The following RERG variants were observed in gnomAD, a reference collection of about 807,000 sequenced individuals.
RERG encodes RAS like estrogen regulated growth inhibitor, also known as ras-related and estrogen-regulated growth inhibitor.
A neutral mutation model predicts 23.2 loss-of-function variants in RERG; 25 were observed. The ratio of observed to expected loss-of-function variants is 1.08; its 90% CI spans 0.79 to 1.50. RERG has a LOEUF of 1.50. Among genes scored for constraint, RERG ranks in the 40% most tolerant of loss-of-function variants. RERG has a pLI of 0.00. For synonymous variants in RERG, 81 were observed against 89.1 expected, an observed-to-expected ratio of 0.91 and a Z score of 0.51; for missense variants, 253 against 250.1, an observed-to-expected ratio of 1.01 and a Z score of -0.08.
In RERG at chr12:15,215,838, A is replaced by G. The variant is rs942201688; in HGVS notation, c.61+1591T>C. Among the ~76,000 whole-genome samples the G allele has an allele frequency of 2.0e-5, 3 of 152,170 alleles. No homozygotes were observed. In the South Asian group the frequency reaches 6.2e-4, roughly 32 times the overall value. On this transcript the variant is annotated intron_variant, in intron 2 of 4. Coordinates refer to ENST00000256953, the MANE Select transcript of RERG (RefSeq NM_032918.3). The stretch of plus-strand genomic sequence containing the variant: ...TGAGCCTTGACAGGAGGAGACACCC[A>G]GCTTGCTCCGAGATCATGAAGATGG...
intron 3 of RERG, among the ~76,000 whole-genome samples, chr12:15,118,278 C>T (rs563937151): frequency 5.1e-4 from 77 of 152,030 alleles, no homozygotes; most frequent in African/African-American, 1.9e-3. Flanking sequence ...GCATTTTCTT[C>T]ATTGAATTAT....
Position 15,109,105 on chromosome 12 carries a change from GCT to G in RERG, c.*3_*4del, listed in dbSNP as rs751031653. On this transcript the variant is annotated 3_prime_UTR_variant, in exon 5 of 5. Coordinates refer to ENST00000256953, the MANE Select transcript of RERG (RefSeq NM_032918.3). ...CAATTAGTTGGTCCACCTCAGCTGGGCTGCCTAACTACTGATTTTGGTGAGCA... is the reference window on the plus strand; with the variant it reads ...CAATTAGTTGGTCCACCTCAGCTGGGGCCTAACTACTGATTTTGGTGAGCA... 7 of 1,569,494 alleles carry G rather than the reference GCT, an allele frequency of 4.5e-6. No homozygotes were observed. In the South Asian group the frequency reaches 8.4e-5, roughly 19 times the overall value.
intron 2 of RERG, among the ~76,000 whole-genome samples, chr12:15,126,724 C>CTTTTTTTTTTTT (rs71042228): frequency 2.3e-5 from 3 of 132,464 alleles, no homozygotes; most frequent in Non-Finnish European, 3.1e-5. Flanking sequence ...CTTTTTCTTT[C>CTTTTTTTTTTTT]TTTTTTTTTT....
intron 2 of RERG, among the ~76,000 whole-genome samples, chr12:15,143,164 T>C (rs952463627): frequency 7.2e-5 from 11 of 152,190 alleles, no homozygotes; most frequent in African/African-American, 1.4e-4. Context: ...CCTGTACAGG[T>C]ACCAGGCTTT....
In RERG at chr12:15,110,463, C is replaced by CTTT. The variant is rs869218147; in HGVS notation, c.192+878_192+880dup. Among the ~76,000 whole-genome samples the CTTT allele has an allele frequency of 6.6e-4, 48 of 73,148 alleles. 6 individuals carry two copies. Among genetic ancestry groups the CTTT allele is most frequent in the South Asian group, 1.9e-3 (3 of 1,610 alleles). The allele number at this position is 73,148 out of a possible 152,430, so 48.0% of individuals were successfully genotyped here. ...CTGTCATTCCAGTGGCCATTTTTTT[C>CTTT]TTTTTTTTTTTTTTTTTTTTTTTTT... On this transcript the variant is annotated intron_variant, in intron 4 of 4. Transcript: ENST00000256953.
At chr12:15,159,807 G>C (rs1175348728) in intron 2 of RERG, among the ~76,000 whole-genome samples, 1 of 152,156 alleles carries the variant, frequency 6.6e-6, no homozygotes, top group Non-Finnish European at 1.5e-5. Context: ...CTGGGCGACA[G>C]AGCAGGACTC....
intron 1 of RERG, 84 bp from the exon 2 acceptor site, chr12:15,217,687 A>G: frequency 3.8e-6 from 2 of 525,548 alleles, no homozygotes; most frequent in Non-Finnish European, 6.8e-6. Context: ...GCCAGCCACC[A>G]TTCACTTTTT....
intron 2 of RERG, among the ~76,000 whole-genome samples, chr12:15,152,902 C>A (rs1033455961): frequency 6.6e-6 from 1 of 151,970 alleles, no homozygotes; most frequent in African/African-American, 2.4e-5. Flanking sequence ...ATATTAAATT[C>A]TCTACTGTTT....
intron 2 of RERG, among the ~76,000 whole-genome samples, chr12:15,135,498 C>T (rs1334269489): frequency 1.3e-5 from 2 of 152,116 alleles, no homozygotes; most frequent in African/African-American, 4.8e-5. Context: ...AGAGAGAAAG[C>T]ACTTGCTTTC....
At chr12:15,149,803 T>C (rs371009396) in intron 2 of RERG, among the ~76,000 whole-genome samples, 1 of 152,218 alleles carries the variant, frequency 6.6e-6, no homozygotes, top group East Asian at 1.9e-4. Context: ...GAAAATAAAA[T>C]ACTTTAAAGA....
At chr12:15,123,230 C>A (rs1863869771) in intron 2 of RERG, among the ~76,000 whole-genome samples, 1 of 152,098 alleles carries the variant, frequency 6.6e-6, no homozygotes, top group Non-Finnish European at 1.5e-5. Context: ...AAATTTGAAT[C>A]ATTTCTCAAA....
chr12:15,185,659 C>A (rs958791415), intron 2 of RERG, among the ~76,000 whole-genome samples: 8 of 152,040 alleles, frequency 5.3e-5, no homozygotes, highest in African/African-American at 1.7e-4. Flanking sequence ...CAGGTTATGG[C>A]CCTAGACACC....
At position 15,111,373 on chromosome 12, in the gene RERG, AAAC is replaced by A; in HGVS notation, c.160_162del (p.Val54del). The A allele has an allele frequency of 6.2e-7, 1 of 1,613,428 alleles. No homozygotes were observed. Among genetic ancestry groups the A allele is most frequent in the African/African-American group, 1.3e-5 (1 of 75,030 alleles). ...CCAGCAGTGTCTAGTATCTCCATGG[AAAC>A]AACTTCATCATCGATGGTTGCTTGG... is the stretch of plus-strand genomic sequence containing the variant. On this transcript the variant is annotated inframe_deletion, in exon 4 of 5. Transcript: ENST00000256953.
intron 3 of RERG, among the ~76,000 whole-genome samples, chr12:15,116,273 T>C (rs1443129296): frequency 6.6e-6 from 1 of 152,192 alleles, no homozygotes; most frequent in Non-Finnish European, 1.5e-5. Flanking sequence ...TTAGTGTCCT[T>C]TGTACCGACT....
chr12:15,172,945 G>C (rs958184670), intron 2 of RERG, among the ~76,000 whole-genome samples: 3 of 151,868 alleles, frequency 2.0e-5, no homozygotes, highest in Non-Finnish European at 4.4e-5. Context: ...TACTTCCTTT[G>C]ATAATGTCCT....
At chr12:15,131,732 C>A (rs1020952692) in intron 2 of RERG, among the ~76,000 whole-genome samples, 11 of 152,164 alleles carry the variant, frequency 7.2e-5, no homozygotes, top group African/African-American at 2.4e-4. Flanking sequence ...CTCTCTTCAT[C>A]ATGTCCTTTT....
chr12:15,158,631 A>G (rs1864558181), intron 2 of RERG, among the ~76,000 whole-genome samples: 2 of 152,130 alleles, frequency 1.3e-5, no homozygotes, highest in Non-Finnish European at 2.9e-5. Context: ...TGCAGAGTAT[A>G]AGGAATTTTG....
chr12:15,142,345 T>C (rs949785010), intron 2 of RERG, among the ~76,000 whole-genome samples: 1 of 152,154 alleles, frequency 6.6e-6, no homozygotes, highest in African/African-American at 2.4e-5. Flanking sequence ...TCTTAGTAAA[T>C]TGTCAGACAA....
At chr12:15,121,707 C>T (rs1027630161) in intron 2 of RERG, among the ~76,000 whole-genome samples, 3 of 152,182 alleles carry the variant, frequency 2.0e-5, no homozygotes, top group African/African-American at 7.2e-5. Flanking sequence ...CTCCTCAATC[C>T]TCACGTCATC....
Sources: gnomAD v4.1 joint callset for allele counts (sites outside exome capture counted in the v4.1 genomes callset) on GRCh38, gnomAD v4.1.1 for gene constraint, MANE v1.5 for transcripts, NCBI Gene and HGNC (gene_info 2026-07-23, HGNC 2026-07-21) for gene names.